The following CSMD3 variants were observed in gnomAD, a reference collection of about 807,000 sequenced individuals.
CSMD3 encodes CUB and sushi domain-containing protein 3.
In CSMD3, 177 loss-of-function variants were observed where a neutral mutation model predicts 435.2. That is an observed-to-expected ratio of 0.41 (90% CI 0.36 to 0.46). CSMD3 has a LOEUF of 0.46. CSMD3 is among the 20% of genes least tolerant of loss of function. The pLI is 0.34. For synonymous variants in CSMD3, 1,656 were observed against 1,520.5 expected (o/e 1.09, Z -2.07); for missense variants, 4,265 against 4,504.6 (o/e 0.95, Z 1.52).
intron 13 of CSMD3, among the ~76,000 whole-genome samples, chr8:112,799,738 T>C (rs1413231071): frequency 6.6e-6 from 1 of 151,982 alleles, no homozygotes; most frequent in Non-Finnish European, 1.5e-5. Context: ...TATTTATATG[T>C]TTGATAGATT....
At chr8:112,817,541 G>C (rs1410439402) in intron 12 of CSMD3, among the ~76,000 whole-genome samples, 2 of 152,046 alleles carry the variant, frequency 1.3e-5, no homozygotes, top group Non-Finnish European at 2.9e-5. Context: ...TTCATATTCT[G>C]ATCTCTATTG....
chr8:112,327,703 T>C (rs1823635048), intron 45 of CSMD3, among the ~76,000 whole-genome samples: 1 of 152,174 alleles, frequency 6.6e-6, no homozygotes, highest in African/African-American at 2.4e-5. Context: ...TAACAACTAC[T>C]AACAACTACA....
chr8:113,292,471 G>A (rs563970324), intron 2 of CSMD3, among the ~76,000 whole-genome samples: 1 of 151,674 alleles, frequency 6.6e-6, no homozygotes, highest in Admixed American at 6.6e-5. Context: ...GTGCATATTT[G>A]GAAACTAAAT....
chr8:112,830,459 T>A (rs999708855), intron 11 of CSMD3, among the ~76,000 whole-genome samples: 2 of 152,168 alleles, frequency 1.3e-5, no homozygotes, highest in African/African-American at 4.8e-5. Context: ...ATTGTTTATA[T>A]ACCTATGCAA....
At chr8:113,103,591 C>A (rs576208432) in intron 4 of CSMD3, among the ~76,000 whole-genome samples, 1 of 151,942 alleles carries the variant, frequency 6.6e-6, no homozygotes, top group Non-Finnish European at 1.5e-5. Context: ...TCAATTCCCT[C>A]GTAAGTTCTT....
intron 13 of CSMD3, among the ~76,000 whole-genome samples, chr8:112,760,163 A>C (rs2077803012): frequency 6.6e-6 from 1 of 152,224 alleles, no homozygotes; most frequent in Admixed American, 6.6e-5. Flanking sequence ...TATTGTGACA[A>C]ATAACAATCA....
intron 2 of CSMD3, among the ~76,000 whole-genome samples, chr8:113,289,193 A>G (rs984875992): frequency 1.3e-5 from 2 of 151,798 alleles, no homozygotes; most frequent in Non-Finnish European, 3.0e-5. Flanking sequence ...ACTTAGAACA[A>G]TGCCAAGCAT....
chr8:112,925,231 TA>T (rs2082873158), intron 9 of CSMD3, among the ~76,000 whole-genome samples: 2 of 152,128 alleles, frequency 1.3e-5, no homozygotes, highest in Non-Finnish European at 2.9e-5. Flanking sequence ...TCATTTAGCT[TA>T]ATCATTATTA....
chr8:112,666,058 T>C (rs920319793), intron 17 of CSMD3, among the ~76,000 whole-genome samples: 1 of 152,118 alleles, frequency 6.6e-6, no homozygotes. Context: ...AAGGTCGATC[T>C]TGCATATTTC....
At chr8:112,609,949 T>C (rs935227738) in intron 22 of CSMD3, among the ~76,000 whole-genome samples, 1 of 152,098 alleles carries the variant, frequency 6.6e-6, no homozygotes, top group Non-Finnish European at 1.5e-5. Context: ...TGATCTCATG[T>C]ACATGTGGGA....
At chr8:112,368,080 G>A (rs1563849434) in intron 38 of CSMD3, among the ~76,000 whole-genome samples, 1 of 152,246 alleles carries the variant, frequency 6.6e-6, no homozygotes, top group African/African-American at 2.4e-5. Context: ...ATAGAAACCT[G>A]AGTCTGACTC....
At chr8:113,221,354 T>TACACACACACACACACACACAC (rs147263614) in intron 3 of CSMD3, among the ~76,000 whole-genome samples, 5 of 141,814 alleles carry the variant, frequency 3.5e-5, no homozygotes, top group African/African-American at 7.6e-5. Flanking sequence ...CAGACACAGT[T>TACACACACACACACACACACAC]ACACACACAC....
chr8:112,937,101 T>C lies in CSMD3; in HGVS notation c.1508+10689A>G, dbSNP rs186679240. ...TTATTCATGTTATCTTCTTTTAAGT[T>C]TGCCTACCCAACTTGAGTATTTTTA... On this transcript the variant is annotated intron_variant, in intron 9 of 70. Coordinates refer to ENST00000297405, the MANE Select transcript of CSMD3 (RefSeq NM_198123.2). 2.3e-3 allele frequency among the ~76,000 whole-genome samples: 349 copies of C among 152,254 alleles called. 1 individual carries two copies. The highest frequency in any genetic ancestry group is 8.0e-3 in the African/African-American group (333 of 41,568).
At chr8:112,844,923 T>C (rs1485810821) in intron 11 of CSMD3, among the ~76,000 whole-genome samples, 1 of 151,994 alleles carries the variant, frequency 6.6e-6, no homozygotes, top group African/African-American at 2.4e-5. Flanking sequence ...ACTATTTATG[T>C]CAAATTATTA....
intron 4 of CSMD3, among the ~76,000 whole-genome samples, chr8:113,124,143 G>A (rs551722052): frequency 6.1e-4 from 92 of 152,026 alleles, no homozygotes; most frequent in African/African-American, 2.2e-3. Flanking sequence ...TTATATTAAT[G>A]TCATAGGAAT....
chr8:112,374,835 G>C (rs1828791236), intron 38 of CSMD3, among the ~76,000 whole-genome samples: 1 of 152,102 alleles, frequency 6.6e-6, no homozygotes, highest in African/African-American at 2.4e-5. Context: ...TAAATATCCT[G>C]CTCTATGTTT....
intron 6 of CSMD3, among the ~76,000 whole-genome samples, chr8:112,998,782 T>C (rs1229930474): frequency 6.6e-6 from 1 of 152,014 alleles, no homozygotes; most frequent in South Asian, 2.1e-4. Context: ...TTTCACCCTT[T>C]GGTGCTGTTT....
At chr8:113,195,808 T>TAC (rs1473493034) in intron 3 of CSMD3, among the ~76,000 whole-genome samples, 7 of 141,336 alleles carry the variant, frequency 5.0e-5, no homozygotes, top group African/African-American at 1.9e-4. Context: ...TATATATATA[T>TAC]ATATATACAC....
intron 5 of CSMD3, among the ~76,000 whole-genome samples, chr8:113,039,639 A>T (rs1296301896): frequency 1.3e-5 from 2 of 152,200 alleles, no homozygotes; most frequent in East Asian, 3.9e-4. Context: ...AAAGCACATA[A>T]GTGGCACATA....
Sources: allele counts gnomAD v4.1 joint callset (sites outside exome capture counted in the v4.1 genomes callset), GRCh38; gene constraint gnomAD v4.1.1; transcripts MANE v1.5; gene names NCBI Gene and HGNC (gene_info 2026-07-23, HGNC 2026-07-21).